NFASC: variants seen among roughly 807,000 people sequenced by gnomAD.
NFASC encodes neurofascin, also known as neurofascin homolog.
NFASC carries 43 observed loss-of-function variants against 147.5 expected under a neutral mutation model. The ratio of observed to expected loss-of-function variants is 0.29; its 90% CI spans 0.23 to 0.38. The LOEUF (loss-of-function observed/expected upper bound fraction) is 0.38. Among genes scored for constraint, NFASC ranks in the 10% least tolerant of loss-of-function variants. NFASC has a pLI of 1.00. For synonymous variants in NFASC, 622 were observed against 665.5 expected (o/e 0.93, Z 1.01); for missense variants, 1,320 against 1,689.0 (o/e 0.78, Z 3.83).
intron 21 of NFASC, among the ~76,000 whole-genome samples, chr1:204,983,564 C>T (rs1449071024): frequency 2.0e-5 from 3 of 152,114 alleles, no homozygotes; most frequent in Non-Finnish European, 4.4e-5. Flanking sequence ...CAACCTGTAG[C>T]CCAGCAAAGA....
intron 10 of NFASC, 126 bp downstream of exon 10, chr1:204,969,108 A>G: frequency 3.7e-6 from 3 of 807,638 alleles, no homozygotes; most frequent in South Asian, 1.7e-5. Context: ...CTCAGTGGCA[A>G]TGGCGATCTG....
chr1:204,829,937 C>T lies in NFASC; in HGVS notation c.-200+1155C>T, dbSNP rs193104205. ...TGCTGAATCACCTAGAATCTGGTCCCCATGGCAGCCCCCATCCTGTCCTGA... is the reference window on the plus strand; with the variant it reads ...TGCTGAATCACCTAGAATCTGGTCCTCATGGCAGCCCCCATCCTGTCCTGA... On this transcript the variant is annotated intron_variant, in intron 1 of 29. Transcript: ENST00000339876. Among the ~76,000 whole-genome samples, 63 of 152,220 alleles carry T rather than the reference C, an allele frequency of 4.1e-4. No homozygotes were observed. In the East Asian group the frequency reaches 0.011, roughly 28 times the overall value.
chr1:204,931,538 T>C (rs2149586040), intron 2 of NFASC, among the ~76,000 whole-genome samples: 2 of 152,368 alleles, frequency 1.3e-5, no homozygotes, highest in South Asian at 4.1e-4. Flanking sequence ...GTAGTACTAT[T>C]CTAGTCACTT....
chr1:204,883,905 C>T (rs941358941), intron 1 of NFASC, among the ~76,000 whole-genome samples: 3 of 152,192 alleles, frequency 2.0e-5, no homozygotes, highest in Admixed American at 6.5e-5. Context: ...GACCTGAACC[C>T]GGATGTCCTG....
chr1:204,930,908 G>C (rs2092311958), intron 2 of NFASC, among the ~76,000 whole-genome samples: 1 of 152,142 alleles, frequency 6.6e-6, no homozygotes, highest in South Asian at 2.1e-4. Context: ...GCCACACAGG[G>C]GTCAGGAGCT....
intron 1 of NFASC, among the ~76,000 whole-genome samples, chr1:204,843,980 C>T (rs977060881): frequency 2.6e-5 from 4 of 152,070 alleles, no homozygotes; most frequent in Admixed American, 6.6e-5. Flanking sequence ...TCAGGTGATC[C>T]GCTTGCTTCG....
chr1:204,961,231 A>T (rs1476132056), intron 8 of NFASC, among the ~76,000 whole-genome samples: 2 of 152,198 alleles, frequency 1.3e-5, no homozygotes, highest in Non-Finnish European at 2.9e-5. Flanking sequence ...AATGCCCACG[A>T]GTTTGAATTA....
At position 205,021,255 on chromosome 1, in the gene NFASC, C is replaced by T. The variant is rs2096398812; in HGVS notation, c.*4716C>T. The T allele has an allele frequency of 6.6e-6, 1 of 152,604 alleles. No homozygotes were observed. Among genetic ancestry groups the T allele is most frequent in the African/African-American group, 2.4e-5 (1 of 41,420 alleles). The allele number at this position is 152,604 out of a possible 1,614,324, so 9.5% of individuals were successfully genotyped here. A position where few individuals can be genotyped will look rare whatever the true frequency, so the allele number is the denominator to read the frequency against. ...AGCCCAGGGAAGTGTCCTTTCTTTC[C>T]CTTCCTTACTAATAATGGGCCTTCC... On this transcript the variant is annotated 3_prime_UTR_variant, in exon 30 of 30. Transcript: ENST00000339876.
At chr1:204,992,934 C>CG (rs1425244045) in intron 24 of NFASC, among the ~76,000 whole-genome samples, 2 of 152,232 alleles carry the variant, frequency 1.3e-5, no homozygotes, top group Admixed American at 1.3e-4. Context: ...CATGAGCTCA[C>CG]GGTCTCAATC....
chr1:204,901,499 A>G (rs1044090617), intron 1 of NFASC, among the ~76,000 whole-genome samples: 21 of 152,124 alleles, frequency 1.4e-4, no homozygotes, highest in African/African-American at 5.1e-4. Flanking sequence ...GAGTTTATTT[A>G]TTTACCATTG....
intron 1 of NFASC, among the ~76,000 whole-genome samples, chr1:204,856,142 T>G (rs4951141): frequency 0.19 from 29,500 of 151,768 alleles, 4,484 homozygotes; most frequent in East Asian, 0.52. Context: ...GACTGAAAAG[T>G]TATGGTCTTT....
intron 2 of NFASC, among the ~76,000 whole-genome samples, chr1:204,941,824 C>T (rs952257389): frequency 2.6e-5 from 4 of 152,198 alleles, no homozygotes; most frequent in Non-Finnish European, 5.9e-5. Context: ...CTCCAGAGAG[C>T]ACCGTCTGTG....
rs375275425 is a variant in NFASC at position 205,002,697 on chromosome 1, C to T, written c.3238C>T (p.Arg1080Trp). 11 of 1,580,356 alleles carry T rather than the reference C, an allele frequency of 7.0e-6. No homozygotes were observed. The highest frequency in any genetic ancestry group is 4.0e-5 in the African/African-American group (3 of 74,338). ...GACATACACGTTGCGGGTTTATTCC[C>T]GGGACAACGAGGGCATCAGCAGTAC... is the stretch of plus-strand genomic sequence containing the variant. ...GMTYTLRVYS[R>W]DNEGISSTVI... The change falls in exon 27 of 30, where the codon CGG becomes TGG. Residue 1080 changes from arginine (R) to tryptophan (W), a missense_variant. This residue lies in a region of NFASC where 167 missense variants were observed against 233.8 expected (regional missense o/e 0.71). Transcript: ENST00000339876.
At chr1:204,923,197 T>TC (rs1573071915) in intron 2 of NFASC, among the ~76,000 whole-genome samples, 1 of 152,284 alleles carries the variant, frequency 6.6e-6, no homozygotes, top group East Asian at 1.9e-4. Context: ...GAGCAAGTGT[T>TC]CCCCGGGGCT....
At chr1:204,993,532 G>A (rs12136572) in intron 24 of NFASC, among the ~76,000 whole-genome samples, 31,582 of 152,164 alleles carry the variant, frequency 0.21, 4,091 homozygotes, top group Non-Finnish European at 0.29. Context: ...ACCCTTGGCC[G>A]CAGCCAGGGT....
intron 1 of NFASC, among the ~76,000 whole-genome samples, chr1:204,858,013 G>A (rs1221572018): frequency 6.7e-6 from 1 of 148,166 alleles, no homozygotes; most frequent in East Asian, 2.1e-4. Flanking sequence ...TCCACCTCCG[G>A]GGTTCAAGCA....
At chr1:204,978,863 G>A in intron 17 of NFASC, 105 bp from the exon 18 acceptor site, 1 of 840,342 alleles carries the variant, frequency 1.2e-6, no homozygotes, top group South Asian at 1.7e-5. Context: ...GTTGGATCCA[G>A]CTGGTAGCGA....
intron 3 of NFASC, chr1:204,946,357 A>C (rs532205875): frequency 1.4e-5 from 7 of 510,554 alleles, no homozygotes; most frequent in African/African-American, 1.3e-4. Flanking sequence ...GGTTAGAGAC[A>C]AGGAAGCGAC....
At chr1:204,837,149 T>C (rs1352543145) in intron 1 of NFASC, among the ~76,000 whole-genome samples, 1 of 152,170 alleles carries the variant, frequency 6.6e-6, no homozygotes, top group African/African-American at 2.4e-5. Context: ...GATTGATAGG[T>C]AATTAAGTTT....
Sources: allele counts gnomAD v4.1 joint callset (sites outside exome capture counted in the v4.1 genomes callset), GRCh38; gene constraint gnomAD v4.1.1; regional missense constraint gnomAD v4.1.1; transcripts MANE v1.5; gene names NCBI Gene and HGNC (gene_info 2026-07-23, HGNC 2026-07-21).